Variants in MAP4K3 observed in about 807,000 individuals in gnomAD.
MAP4K3 encodes mitogen-activated protein kinase kinase kinase kinase 3, also known as MAPK/ERK kinase kinase kinase 3.
In MAP4K3, 94 loss-of-function variants were observed where a neutral mutation model predicts 143.5. That is an observed-to-expected ratio of 0.65 (90% confidence interval 0.55 to 0.78). The LOEUF is 0.78. Ranked by LOEUF, MAP4K3 falls within the 30% of genes least tolerant of loss-of-function variation. MAP4K3 has a pLI of 0.00. For synonymous variants in MAP4K3, 416 were observed against 347.2 expected, an observed-to-expected ratio of 1.20 and a Z score of -2.20; for missense variants, 1,077 against 1,068.1, an observed-to-expected ratio of 1.01 and a Z score of -0.12.
chr2:39,280,507 A>C (rs1482767882), intron 22 of MAP4K3, 151 bp from the exon 23 acceptor site: 2 of 421,676 alleles, frequency 4.7e-6, no homozygotes, highest in East Asian at 3.6e-5. Context: ...AAGTGTAAGA[A>C]ATCATCATAG....
intron 3 of MAP4K3, among the ~76,000 whole-genome samples, chr2:39,347,071 AT>A (rs1435345261): frequency 6.6e-6 from 1 of 152,130 alleles, no homozygotes. Context: ...ACACTAAGAA[AT>A]TATCTGCTCT....
At chr2:39,302,653 C>G (rs1407401810) in intron 15 of MAP4K3, among the ~76,000 whole-genome samples, 2 of 152,130 alleles carry the variant, frequency 1.3e-5, no homozygotes, top group African/African-American at 4.8e-5. Context: ...ATGATGGTAT[C>G]TTATGGCCAT....
chr2:39,257,806 A>AG (rs924002502), intron 31 of MAP4K3, among the ~76,000 whole-genome samples: 1 of 151,772 alleles, frequency 6.6e-6, no homozygotes, highest in African/African-American at 2.4e-5. Flanking sequence ...CAAAAAAAAA[A>AG]AAAAAAAAGA....
intron 4 of MAP4K3, among the ~76,000 whole-genome samples, chr2:39,339,146 T>C (rs906680316): frequency 1.3e-5 from 2 of 152,190 alleles, no homozygotes; most frequent in African/African-American, 4.8e-5. Context: ...TTTGTAAACA[T>C]GTTTAGTTTG....
At chr2:39,309,335 G>T in intron 14 of MAP4K3, 126 bp downstream of exon 14, 1 of 658,396 alleles carries the variant, frequency 1.5e-6, no homozygotes, top group Non-Finnish European at 2.5e-6. Context: ...ATGTTGACCA[G>T]GCTGGGACCT....
intron 1 of MAP4K3, among the ~76,000 whole-genome samples, chr2:39,415,271 T>C (rs557470936): frequency 6.6e-6 from 1 of 152,336 alleles, no homozygotes; most frequent in Admixed American, 6.5e-5. Flanking sequence ...AGATGTTTTA[T>C]GCTTACTGAT....
intron 12 of MAP4K3, among the ~76,000 whole-genome samples, chr2:39,316,303 A>T (rs1486820978): frequency 2.0e-5 from 3 of 152,152 alleles, no homozygotes; most frequent in Non-Finnish European, 4.4e-5. Flanking sequence ...AGAAAAAGAA[A>T]AAGCTGAAAA....
chr2:39,303,614 C>T (rs1682590073), intron 15 of MAP4K3, among the ~76,000 whole-genome samples: 1 of 152,206 alleles, frequency 6.6e-6, no homozygotes, highest in Non-Finnish European at 1.5e-5. Flanking sequence ...TCTCGGCTCC[C>T]TGCAACCTCT....
At chr2:39,313,853 C>T (rs910715556) in intron 13 of MAP4K3, among the ~76,000 whole-genome samples, 1 of 152,068 alleles carries the variant, frequency 6.6e-6, no homozygotes, top group African/African-American at 2.4e-5. Flanking sequence ...TGCATATGCA[C>T]TTAGAAGTTG....
chr2:39,361,151 G>A (rs768283579), intron 2 of MAP4K3, among the ~76,000 whole-genome samples: 14 of 151,874 alleles, frequency 9.2e-5, no homozygotes, highest in African/African-American at 2.7e-4. Flanking sequence ...TCTGCCTCCC[G>A]TTTCTCTTCT....
At position 39,249,583 on chromosome 2, in the gene MAP4K3, T is replaced by C. The variant is rs558072524; in HGVS notation, c.*1035A>G. On this transcript the variant is annotated 3_prime_UTR_variant, in exon 34 of 34. Transcript: ENST00000263881. ...GGTAGTAACTAAATTATTTTGGCCA[T>C]GTATTAATACTCTAAGTCAAAAGAA... The C allele has an allele frequency of 1.5e-3, 231 of 152,710 alleles. 1 individual carries two copies. The highest frequency in any genetic ancestry group is 5.3e-3 in the African/African-American group (220 of 41,576). 9.5% of individuals were successfully genotyped at this position (152,710 alleles called of 1,614,324 possible).
chr2:39,422,709 C>T (rs771498584), intron 1 of MAP4K3, among the ~76,000 whole-genome samples: 3 of 152,122 alleles, frequency 2.0e-5, no homozygotes, highest in South Asian at 2.1e-4. Context: ...TGTACATTGA[C>T]GTGCAAAACA....
intron 7 of MAP4K3, 114 bp from the exon 8 acceptor site, chr2:39,332,103 C>T (rs533195618): frequency 3.8e-5 from 20 of 523,458 alleles, no homozygotes; most frequent in Admixed American, 6.1e-5. Flanking sequence ...TACAGCAATA[C>T]GGGATATTCT....
intron 1 of MAP4K3, among the ~76,000 whole-genome samples, chr2:39,386,715 G>T (rs1363209337): frequency 6.6e-6 from 1 of 151,384 alleles, no homozygotes; most frequent in African/African-American, 2.4e-5. Flanking sequence ...ATATTTGTGT[G>T]GATCTATTTC....
At chr2:39,403,119 G>C (rs1343768964) in intron 1 of MAP4K3, among the ~76,000 whole-genome samples, 1 of 152,110 alleles carries the variant, frequency 6.6e-6, no homozygotes, top group South Asian at 2.1e-4. Context: ...AACACAGAAG[G>C]AAGAAAATAT....
chr2:39,288,746 G>T (rs920680282), intron 19 of MAP4K3, among the ~76,000 whole-genome samples: 1 of 152,160 alleles, frequency 6.6e-6, no homozygotes, highest in Non-Finnish European at 1.5e-5. Flanking sequence ...GGCATGAGAG[G>T]ATACCAATTA....
intron 15 of MAP4K3, among the ~76,000 whole-genome samples, chr2:39,300,529 A>C (rs2148489193): frequency 6.6e-6 from 1 of 152,352 alleles, no homozygotes; most frequent in East Asian, 1.9e-4. Context: ...AACCATGAAA[A>C]GAATGAAGTA....
chr2:39,433,329 C>T (rs151192981), intron 1 of MAP4K3, among the ~76,000 whole-genome samples: 1 of 152,264 alleles, frequency 6.6e-6, no homozygotes, highest in East Asian at 1.9e-4. Context: ...TGAGACTATT[C>T]TTTCAAAACT....
intron 4 of MAP4K3, 76 bp downstream of exon 4, chr2:39,343,312 G>T: frequency 3.2e-6 from 3 of 948,266 alleles, no homozygotes; most frequent in South Asian, 1.6e-5. Flanking sequence ...AGATAATGTT[G>T]ATGTTTTAAT....
Sources: gnomAD v4.1 joint callset for allele counts (sites outside exome capture counted in the v4.1 genomes callset) on GRCh38, gnomAD v4.1.1 for gene constraint, MANE v1.5 for transcripts, NCBI Gene and HGNC (gene_info 2026-07-23, HGNC 2026-07-21) for gene names.